NT5DC3: variants seen among roughly 807,000 people sequenced by gnomAD.
The protein encoded by NT5DC3 is 5'-nucleotidase domain containing 3.
Under a neutral mutation model 67.8 loss-of-function variants are expected in NT5DC3, and 42 were observed. The ratio of observed to expected loss-of-function variants is 0.62; its 90% CI spans 0.48 to 0.80. The LOEUF (loss-of-function observed/expected upper bound fraction) is 0.80, where lower values mean the gene tolerates loss of function less well. NT5DC3 is among the 30% of genes least tolerant of loss of function. The pLI is 0.00. For missense variants in NT5DC3, 570 were observed against 696.4 expected (o/e 0.82, Z 2.04); for synonymous variants, 237 against 255.6 (o/e 0.93, Z 0.69).
At chr12:103,761,934 C>T in the NT5DC3 span, among the ~76,000 whole-genome samples, 5 of 152,172 alleles carry the variant, frequency 3.3e-5, no homozygotes, top group African/African-American at 1.2e-4. Flanking sequence ...TGGAGAGTTC[C>T]ACAGCATAGT....
At chr12:103,761,100 C>T in the NT5DC3 span, among the ~76,000 whole-genome samples, 10 of 152,122 alleles carry the variant, frequency 6.6e-5, no homozygotes, top group South Asian at 1.2e-3. Flanking sequence ...TCTCTGCAGC[C>T]CTCAGATCAG....
intron 1 of NT5DC3, among the ~76,000 whole-genome samples, chr12:103,831,306 C>A (rs1887915429): frequency 6.6e-6 from 1 of 152,124 alleles, no homozygotes; most frequent in African/African-American, 2.4e-5. Flanking sequence ...TGCCTTCTGC[C>A]ACAATTCTAA....
chr12:103,749,325 T>C, the NT5DC3 span, among the ~76,000 whole-genome samples: 14 of 152,292 alleles, frequency 9.2e-5, no homozygotes, highest in African/African-American at 2.6e-4. Context: ...GGTAGTCCCC[T>C]AGGCAGAAAA....
At chr12:103,819,626 TG>T (rs1887409008) in intron 1 of NT5DC3, 1 of 152,236 alleles carries the variant, frequency 6.6e-6, no homozygotes, top group Admixed American at 6.5e-5. Context: ...TGTGGCAAGC[TG>T]GAAAGCCCCT....
chr12:103,769,639 T>C (rs1471041618), downstream of NT5DC3, among the ~76,000 whole-genome samples: 1 of 152,202 alleles, frequency 6.6e-6, no homozygotes, highest in African/African-American at 2.4e-5. Flanking sequence ...GGACCCAGGA[T>C]GCAGGGTGGG....
chr12:103,758,300 T>A, the NT5DC3 span: 4 of 1,612,552 alleles, frequency 2.5e-6, no homozygotes, highest in Non-Finnish European at 3.4e-6. Context: ...GTGAGTTGAG[T>A]CCCTGGTGCC....
intron 2 of NT5DC3, among the ~76,000 whole-genome samples, chr12:103,813,228 G>A (rs1040698510): frequency 3.3e-5 from 5 of 152,244 alleles, no homozygotes; most frequent in African/African-American, 1.2e-4. Context: ...GTGAACAGAT[G>A]GCATGGGGTG....
Position 103,773,359 on chromosome 12 carries a change from T to G in NT5DC3, c.*4470A>C, listed in dbSNP as rs1338093789. ...CCTATCTGGCCTTTTACAGGAAAAG[T>G]TTGCTGACCCTGCATTAAGGGTACT... On this transcript the variant is annotated 3_prime_UTR_variant, in exon 14 of 14. Transcript: ENST00000392876. 2.0e-5 allele frequency: 3 copies of G among 152,152 alleles called. No homozygotes were observed. Among genetic ancestry groups the G allele is most frequent in the Non-Finnish European group, 4.4e-5 (3 of 68,016 alleles). 9.4% of individuals were successfully genotyped at this position (152,152 alleles called of 1,614,324 possible).
the NT5DC3 span, chr12:103,762,211 G>A: frequency 1.3e-6 from 2 of 1,596,612 alleles, no homozygotes; most frequent in Admixed American, 1.8e-5. Context: ...GGGCCACCAA[G>A]GGTTCCCCTT....
chr12:103,811,467 C>T (rs1412760488), intron 2 of NT5DC3, among the ~76,000 whole-genome samples: 1 of 152,068 alleles, frequency 6.6e-6, no homozygotes, highest in Non-Finnish European at 1.5e-5. Context: ...CGTGGTCTTC[C>T]TCCCCCAAAC....
At chr12:103,801,372 CTTTTTTTTTTT>C (rs869237844) in intron 4 of NT5DC3, among the ~76,000 whole-genome samples, 20 of 78,946 alleles carry the variant, frequency 2.5e-4, no homozygotes, top group African/African-American at 7.6e-4. Context: ...TTGGGGTGGG[CTTTTTTTTTTT>C]TTTTTTTTTT....
chr12:103,810,412 C>T (rs968696438), intron 2 of NT5DC3, among the ~76,000 whole-genome samples: 7 of 152,314 alleles, frequency 4.6e-5, no homozygotes, highest in Non-Finnish European at 7.3e-5. Context: ...TCCTCTCCAA[C>T]GGTCTCAGCT....
In NT5DC3 at chr12:103,776,836, C is replaced by A. The variant is rs1406386730; in HGVS notation, c.*993G>T. ...CAGTTGGTAACTCATTAGAGAGAAG[C>A]CAGGATCTTGTTTGTTTCCATCTAG... On this transcript the variant is annotated 3_prime_UTR_variant, in exon 14 of 14. Coordinates refer to ENST00000392876, the MANE Select transcript of NT5DC3 (RefSeq NM_001031701.3). 1.3e-5 allele frequency: 2 copies of A among 152,184 alleles called. No homozygotes were observed. Among genetic ancestry groups the A allele is most frequent in the South Asian group, 4.1e-4 (2 of 4,836 alleles). 9.4% of individuals were successfully genotyped at this position (152,184 alleles called of 1,614,324 possible).
downstream of NT5DC3, among the ~76,000 whole-genome samples, chr12:103,771,873 C>T (rs998160602): frequency 6.6e-6 from 1 of 152,158 alleles, no homozygotes; most frequent in African/African-American, 2.4e-5. Context: ...TCTTAGATGA[C>T]ATGCCAAGTT....
chr12:103,761,549 G>A, the NT5DC3 span: 3 of 713,444 alleles, frequency 4.2e-6, no homozygotes, highest in Non-Finnish European at 6.8e-6. Context: ...CAACCTCCAA[G>A]GTAGCTGGCC....
At chr12:103,761,452 C>T in the NT5DC3 span, 287 of 1,558,638 alleles carry the variant, frequency 1.8e-4, no homozygotes, top group African/African-American at 2.4e-3. Flanking sequence ...GGAGGAGCCC[C>T]GGTGCCCACT....
chr12:103,756,451 T>C, the NT5DC3 span, among the ~76,000 whole-genome samples: 1 of 149,112 alleles, frequency 6.7e-6, no homozygotes, highest in Non-Finnish European at 1.5e-5. Context: ...AACCCTCAGA[T>C]AGCAGGTGGC....
In NT5DC3 at chr12:103,777,634, G is replaced by A; in HGVS notation, c.*195C>T. On this transcript the variant is annotated 3_prime_UTR_variant, in exon 14 of 14. Coordinates refer to ENST00000392876, the MANE Select transcript of NT5DC3 (RefSeq NM_001031701.3). Reference sequence around the variant, plus strand: ...TGAAGCTTGCCTTTCAGCCCTGCATGGGGGGAAAGGCTGGAGGGGTGGGCT... The same window carrying A: ...TGAAGCTTGCCTTTCAGCCCTGCATAGGGGGAAAGGCTGGAGGGGTGGGCT... The A allele has an allele frequency of 1.6e-6, 1 of 627,058 alleles. No homozygotes were observed. The highest frequency in any genetic ancestry group is 2.7e-6 in the Non-Finnish European group (1 of 375,626). The allele number at this position is 627,058 out of a possible 1,614,324, so 38.8% of individuals were successfully genotyped here. A position where few individuals can be genotyped will look rare whatever the true frequency, so the allele number is the denominator to read the frequency against.
chr12:103,757,515 A>G, the NT5DC3 span, among the ~76,000 whole-genome samples: 48 of 152,380 alleles, frequency 3.2e-4, no homozygotes, highest in South Asian at 6.6e-3. Flanking sequence ...GATCCTATGG[A>G]AAAAGTGGAG....
Sources: allele counts gnomAD v4.1 joint callset (sites outside exome capture counted in the v4.1 genomes callset), GRCh38; gene constraint gnomAD v4.1.1; transcripts MANE v1.5; gene names NCBI Gene and HGNC (gene_info 2026-07-23, HGNC 2026-07-21).